Variants in PRR16 observed in about 807,000 individuals in gnomAD.
PRR16 encodes the protein proline rich 16, also known as protein Largen.
In PRR16, 6 loss-of-function variants were observed where a neutral mutation model predicts 18.2. That is an observed-to-expected ratio of 0.33 (90% CI 0.18 to 0.65). The LOEUF is 0.65. Among genes scored for constraint, PRR16 ranks in the 30% least tolerant of loss-of-function variants. The pLI, the probability that PRR16 is intolerant of heterozygous loss-of-function variation, is 0.74. For missense variants in PRR16, 412 were observed against 376.6 expected, an observed-to-expected ratio of 1.09 and a Z score of -0.78; for synonymous variants, 151 against 147.8, an observed-to-expected ratio of 1.02 and a Z score of -0.16.
intron 1 of PRR16, among the ~76,000 whole-genome samples, chr5:120,592,524 A>T (rs1250480425): frequency 1.3e-5 from 2 of 152,150 alleles, no homozygotes; most frequent in African/African-American, 4.8e-5. Flanking sequence ...ATTTAAGAAG[A>T]TAGGCTTTCG....
chr5:120,654,077 T>C (rs572299090), intron 1 of PRR16, among the ~76,000 whole-genome samples: 2 of 152,104 alleles, frequency 1.3e-5, no homozygotes, highest in Non-Finnish European at 2.9e-5. Context: ...ACAGATAATG[T>C]AGACCCAGCC....
chr5:120,556,235 T>TG (rs1209081652), intron 1 of PRR16, among the ~76,000 whole-genome samples: 1 of 146,568 alleles, frequency 6.8e-6, no homozygotes, highest in Non-Finnish European at 1.5e-5. Flanking sequence ...ATTTCATTGT[T>TG]TTTTTTTTTT....
intron 1 of PRR16, among the ~76,000 whole-genome samples, chr5:120,556,923 T>C (rs531090695): frequency 2.0e-4 from 30 of 150,136 alleles, no homozygotes; most frequent in African/African-American, 6.1e-4. Context: ...TTCCCATAAA[T>C]AACCAGTAGA....
At chr5:120,769,979 C>T in the PRR16 span, among the ~76,000 whole-genome samples, 141 of 151,924 alleles carry the variant, frequency 9.3e-4, no homozygotes, top group Middle Eastern at 3.4e-3. Context: ...TCTTTTCTTA[C>T]AGCTGTTGGT....
chr5:120,676,151 A>C (rs967599912), intron 1 of PRR16, among the ~76,000 whole-genome samples: 2 of 152,090 alleles, frequency 1.3e-5, no homozygotes, highest in African/African-American at 4.8e-5. Flanking sequence ...TATCTCTTTC[A>C]GAGAAAGCTT....
chr5:120,780,942 T>G, the PRR16 span, among the ~76,000 whole-genome samples: 1 of 151,960 alleles, frequency 6.6e-6, no homozygotes, highest in Non-Finnish European at 1.5e-5. Context: ...CCCAGCTACT[T>G]GGGAGGCTGA....
chr5:120,678,379 A>G (rs1756872827), intron 1 of PRR16, among the ~76,000 whole-genome samples: 1 of 152,208 alleles, frequency 6.6e-6, no homozygotes, highest in Admixed American at 6.5e-5. Flanking sequence ...AAGCTGGGGT[A>G]GGATGGAAAT....
At chr5:120,583,379 A>G (rs1022944984) in intron 1 of PRR16, among the ~76,000 whole-genome samples, 1 of 151,966 alleles carries the variant, frequency 6.6e-6, no homozygotes, top group Non-Finnish European at 1.5e-5. Context: ...TGCTTGGAGA[A>G]TATAACCTGT....
At chr5:120,630,963 A>C (rs1391812861) in intron 1 of PRR16, among the ~76,000 whole-genome samples, 1 of 152,188 alleles carries the variant, frequency 6.6e-6, no homozygotes, top group Non-Finnish European at 1.5e-5. Flanking sequence ...CCAGAATACT[A>C]AATTATTTAG....
intron 1 of PRR16, among the ~76,000 whole-genome samples, chr5:120,640,567 T>C (rs1755388775): frequency 6.6e-6 from 1 of 152,154 alleles, no homozygotes; most frequent in South Asian, 2.1e-4. Flanking sequence ...GTTTTATTTA[T>C]ACACAGATGG....
intron 1 of PRR16, among the ~76,000 whole-genome samples, chr5:120,551,678 T>G (rs376221159): frequency 5.9e-4 from 89 of 152,134 alleles, no homozygotes; most frequent in African/African-American, 1.9e-3. Context: ...CCTGTGCATG[T>G]ATATAAATGT....
At chr5:120,741,270 G>C in the PRR16 span, among the ~76,000 whole-genome samples, 1 of 151,970 alleles carries the variant, frequency 6.6e-6, no homozygotes, top group African/African-American at 2.4e-5. Context: ...TATTGAGGCA[G>C]AGTCTCACTG....
the PRR16 span, among the ~76,000 whole-genome samples, chr5:120,767,323 A>C: frequency 6.6e-6 from 1 of 151,936 alleles, no homozygotes; most frequent in Non-Finnish European, 1.5e-5. Flanking sequence ...GAAGTAGGCA[A>C]TATGTTTTGT....
the PRR16 span, among the ~76,000 whole-genome samples, chr5:120,785,040 T>C: frequency 6.6e-6 from 1 of 152,188 alleles, no homozygotes; most frequent in Non-Finnish European, 1.5e-5. Context: ...AAAAGGAATC[T>C]CTCCCTGTGT....
chr5:120,723,938 A>G, the PRR16 span, among the ~76,000 whole-genome samples: 1 of 151,674 alleles, frequency 6.6e-6, no homozygotes, highest in Non-Finnish European at 1.5e-5. Flanking sequence ...TGATTATCAA[A>G]TAAGAAAATG....
chr5:120,636,525 A>G (rs1561586329), intron 1 of PRR16, among the ~76,000 whole-genome samples: 1 of 152,172 alleles, frequency 6.6e-6, no homozygotes, highest in South Asian at 2.1e-4. Flanking sequence ...AAAAACATCA[A>G]GTGCGGAAAG....
At chr5:120,641,528 T>A (rs1352224256) in intron 1 of PRR16, among the ~76,000 whole-genome samples, 4 of 152,092 alleles carry the variant, frequency 2.6e-5, no homozygotes, top group African/African-American at 7.2e-5. Context: ...CCAGGTTGCA[T>A]CATCACACTG....
intron 1 of PRR16, among the ~76,000 whole-genome samples, chr5:120,680,332 T>C (rs1480625378): frequency 1.3e-5 from 2 of 152,166 alleles, no homozygotes; most frequent in Non-Finnish European, 2.9e-5. Flanking sequence ...TATCTTTTTA[T>C]TATTTCTTAA....
At chr5:120,665,721 C>T (rs1283893350) in intron 1 of PRR16, among the ~76,000 whole-genome samples, 3 of 151,518 alleles carry the variant, frequency 2.0e-5, no homozygotes, top group South Asian at 2.1e-4. Flanking sequence ...GGGAATCCTT[C>T]CCCCATTTCC....
Sources: gnomAD v4.1 joint callset for allele counts (sites outside exome capture counted in the v4.1 genomes callset) on GRCh38, gnomAD v4.1.1 for gene constraint, MANE v1.5 for transcripts, NCBI Gene and HGNC (gene_info 2026-07-23, HGNC 2026-07-21) for gene names.